ERBB4: variants seen among roughly 807,000 people sequenced by gnomAD.
ERBB4 encodes receptor tyrosine-protein kinase erbB-4.
ERBB4 carries 42 observed loss-of-function variants against 158.0 expected under a neutral mutation model. That is an observed-to-expected ratio of 0.27 (90% CI 0.21 to 0.34). ERBB4 has a LOEUF of 0.34. Ranked by LOEUF, ERBB4 falls within the 10% of genes least tolerant of loss-of-function variation. The probability of loss-of-function intolerance (pLI) is 1.00; values close to 1 mark genes in which losing one functional copy is unlikely to be tolerated. For missense variants in ERBB4, 1,333 were observed against 1,624.1 expected, an observed-to-expected ratio of 0.82 and a Z score of 3.08; for synonymous variants, 583 against 558.7, an observed-to-expected ratio of 1.04 and a Z score of -0.61.
At chr2:212,399,975 G>A (rs570566225) in intron 1 of ERBB4, among the ~76,000 whole-genome samples, 50 of 151,990 alleles carry the variant, frequency 3.3e-4, no homozygotes, top group Non-Finnish European at 6.6e-4. Flanking sequence ...CTATGGGGGC[G>A]GAGAAAAACT....
At chr2:212,204,711 A>AAC (rs1553595265) in intron 1 of ERBB4, among the ~76,000 whole-genome samples, 11 of 148,534 alleles carry the variant, frequency 7.4e-5, no homozygotes, top group South Asian at 6.5e-4. Flanking sequence ...AAAAAAAACA[A>AAC]AAAAAAAAAC....
intron 20 of ERBB4, among the ~76,000 whole-genome samples, chr2:211,443,802 C>A (rs2064044407): frequency 6.6e-6 from 1 of 151,994 alleles, no homozygotes; most frequent in African/African-American, 2.4e-5. Context: ...TAATACTTAT[C>A]TCATAAGGTT....
chr2:211,473,957 G>A (rs1009298678), intron 20 of ERBB4, among the ~76,000 whole-genome samples: 3 of 152,100 alleles, frequency 2.0e-5, no homozygotes, highest in East Asian at 1.9e-4. Flanking sequence ...CTGGGTTATC[G>A]TAAACCCATG....
chr2:211,583,322 A>G (rs2125776067), intron 19 of ERBB4, among the ~76,000 whole-genome samples: 2 of 152,118 alleles, frequency 1.3e-5, no homozygotes, highest in South Asian at 4.1e-4. Context: ...ACACAGATAA[A>G]AAACATTGTT....
At chr2:212,249,197 T>C (rs998246520) in intron 1 of ERBB4, among the ~76,000 whole-genome samples, 3 of 152,064 alleles carry the variant, frequency 2.0e-5, no homozygotes, top group African/African-American at 7.2e-5. Flanking sequence ...ATCAAAATAT[T>C]GGTGGGCTTT....
At chr2:212,324,482 T>G (rs569109847) in intron 1 of ERBB4, among the ~76,000 whole-genome samples, 48 of 89,900 alleles carry the variant, frequency 5.3e-4, no homozygotes, top group African/African-American at 1.3e-3. Context: ...GTTTTTTGTT[T>G]TTGTTTTTTT....
intron 2 of ERBB4, among the ~76,000 whole-genome samples, chr2:212,080,864 T>C (rs760231812): frequency 2.6e-5 from 4 of 152,160 alleles, no homozygotes; most frequent in African/African-American, 4.8e-5. Context: ...AAACATCTCA[T>C]CCAGCATGTT....
intron 2 of ERBB4, among the ~76,000 whole-genome samples, chr2:212,065,844 A>G (rs1346871008): frequency 2.6e-5 from 4 of 152,026 alleles, no homozygotes; most frequent in Non-Finnish European, 5.9e-5. Flanking sequence ...TACAGAATTT[A>G]ATGCTTAGTT....
intron 20 of ERBB4, among the ~76,000 whole-genome samples, chr2:211,544,346 C>A (rs1265439780): frequency 6.6e-6 from 1 of 151,842 alleles, no homozygotes; most frequent in African/African-American, 2.4e-5. Flanking sequence ...GAGCTTTTTT[C>A]CAATCATTTA....
chr2:212,114,544 A>C (rs552384143), intron 2 of ERBB4, among the ~76,000 whole-genome samples: 2 of 152,350 alleles, frequency 1.3e-5, no homozygotes, highest in African/African-American at 4.8e-5. Context: ...AGTTTTAAGA[A>C]GGAAAGTAAT....
At chr2:211,392,575 C>G (rs1440263281) in intron 25 of ERBB4, among the ~76,000 whole-genome samples, 5 of 149,106 alleles carry the variant, frequency 3.4e-5, no homozygotes, top group African/African-American at 5.0e-5. Context: ...CACACACACA[C>G]ACACACACAC....
At chr2:212,075,060 AT>A (rs1269811650) in intron 2 of ERBB4, among the ~76,000 whole-genome samples, 2 of 151,964 alleles carry the variant, frequency 1.3e-5, no homozygotes, top group African/African-American at 2.4e-5. Flanking sequence ...TCTTTTCATG[AT>A]AACACATCTA....
chr2:211,462,090 C>T (rs1255309070), intron 20 of ERBB4, among the ~76,000 whole-genome samples: 3 of 151,848 alleles, frequency 2.0e-5, no homozygotes, highest in Admixed American at 2.0e-4. Context: ...GCAGGCTCTA[C>T]AGGAAGCATG....
intron 1 of ERBB4, among the ~76,000 whole-genome samples, chr2:212,248,128 A>G (rs2084380607): frequency 6.6e-6 from 1 of 152,258 alleles, no homozygotes; most frequent in African/African-American, 2.4e-5. Context: ...TGATTAAAAA[A>G]TCAATAAAAT....
At chr2:212,488,787 A>G (rs1690116170) in intron 1 of ERBB4, among the ~76,000 whole-genome samples, 1 of 151,518 alleles carries the variant, frequency 6.6e-6, no homozygotes, top group African/African-American at 2.4e-5. Context: ...GACCTCATGA[A>G]CAGCTGTTCA....
chr2:211,851,229 C>G (rs1433414369), intron 3 of ERBB4, among the ~76,000 whole-genome samples: 2 of 151,654 alleles, frequency 1.3e-5, no homozygotes, highest in Non-Finnish European at 2.9e-5. Context: ...AGTGAAATAA[C>G]CCATTACGTA....
chr2:211,750,493 G>C, intron 5 of ERBB4, 146 bp downstream of exon 5: 3 of 716,416 alleles, frequency 4.2e-6, no homozygotes, highest in Admixed American at 4.1e-5. Context: ...AATGAAAATC[G>C]GGTAGTTTTC....
chr2:211,857,093 C>T lies in ERBB4; in HGVS notation c.422-68934G>A, dbSNP rs564044525. On this transcript the variant is annotated intron_variant, in intron 3 of 27. Transcript: ENST00000342788. ...GGCATATGGTTGTCAGGTAACATTG[C>T]TAGGAAGTCCTACATTTTATTCTGA... 4.6e-5 allele frequency among the ~76,000 whole-genome samples: 7 copies of T among 151,946 alleles called. No individual in the cohort carries two copies. In the South Asian group the frequency reaches 1.5e-3, roughly 31 times the overall value.
intron 5 of ERBB4, among the ~76,000 whole-genome samples, chr2:211,725,767 C>T (rs2074246419): frequency 6.7e-6 from 1 of 149,832 alleles, no homozygotes; most frequent in African/African-American, 2.5e-5. Context: ...GTAGTCAATG[C>T]AGAAAAGGGA....
Sources: gnomAD v4.1 joint callset for allele counts (sites outside exome capture counted in the v4.1 genomes callset) on GRCh38, gnomAD v4.1.1 for gene constraint, MANE v1.5 for transcripts, NCBI Gene and HGNC (gene_info 2026-07-23, HGNC 2026-07-21) for gene names.